TAFA1: variants seen among roughly 807,000 people sequenced by gnomAD.
TAFA1 encodes chemokine-like protein TAFA-1.
TAFA1 carries 4 observed loss-of-function variants against 18.5 expected under a neutral mutation model. The ratio of observed to expected loss-of-function variants is 0.22; its 90% CI spans 0.11 to 0.49. The LOEUF (loss-of-function observed/expected upper bound fraction) is 0.49. Ranked by LOEUF, TAFA1 falls within the 20% of genes least tolerant of loss-of-function variation. The pLI, the probability that TAFA1 is intolerant of heterozygous loss-of-function variation, is 0.98. For missense variants in TAFA1, 147 were observed against 169.0 expected (o/e 0.87, Z 0.72); for synonymous variants, 56 against 55.2 (o/e 1.01, Z -0.06).
chr3:68,348,351 G>T (rs916669386), intron 2 of TAFA1, among the ~76,000 whole-genome samples: 5 of 151,928 alleles, frequency 3.3e-5, no homozygotes, highest in Admixed American at 2.0e-4. Context: ...CTATACTTAT[G>T]GACTGCTTCA....
intron 2 of TAFA1, among the ~76,000 whole-genome samples, chr3:68,350,396 A>G (rs1300879311): frequency 1.3e-5 from 2 of 152,180 alleles, no homozygotes; most frequent in African/African-American, 4.8e-5. Flanking sequence ...AAATAACAGA[A>G]CAGAGTTTCT....
At chr3:68,345,022 G>A (rs1192304302) in intron 2 of TAFA1, among the ~76,000 whole-genome samples, 1 of 133,588 alleles carries the variant, frequency 7.5e-6, no homozygotes, top group Non-Finnish European at 1.6e-5. Flanking sequence ...AACAGAGTGA[G>A]GCCCTATCTC....
intron 3 of TAFA1, among the ~76,000 whole-genome samples, chr3:68,517,696 C>T (rs1484497327): frequency 1.3e-5 from 2 of 152,170 alleles, no homozygotes; most frequent in African/African-American, 2.4e-5. Context: ...AAAAGCAGAA[C>T]TATGGCCCAG....
chr3:68,312,056 T>TC (rs2068530056), intron 2 of TAFA1, among the ~76,000 whole-genome samples: 1 of 152,182 alleles, frequency 6.6e-6, no homozygotes, highest in Non-Finnish European at 1.5e-5. Flanking sequence ...GCTTGCAGCT[T>TC]CCACCCTCTG....
chr3:68,349,576 G>A (rs9839230), intron 2 of TAFA1, among the ~76,000 whole-genome samples: 5,783 of 152,078 alleles, frequency 0.038, 364 homozygotes, highest in African/African-American at 0.13. Flanking sequence ...AGGAAAAAAA[G>A]TCAAGATAAG....
chr3:68,285,694 G>A (rs2067986313), intron 2 of TAFA1, among the ~76,000 whole-genome samples: 1 of 152,114 alleles, frequency 6.6e-6, no homozygotes, highest in Admixed American at 6.5e-5. Flanking sequence ...TCAATCACAT[G>A]CAATTTATGT....
At chr3:68,352,864 C>G (rs1488174480) in intron 2 of TAFA1, among the ~76,000 whole-genome samples, 1 of 151,938 alleles carries the variant, frequency 6.6e-6, no homozygotes, top group African/African-American at 2.4e-5. Flanking sequence ...GTGAGGATGA[C>G]CTAGAGCCCA....
At chr3:68,078,656 G>A (rs1487324581) in intron 2 of TAFA1, among the ~76,000 whole-genome samples, 3 of 152,058 alleles carry the variant, frequency 2.0e-5, no homozygotes, top group Non-Finnish European at 4.4e-5. Flanking sequence ...TCCCAGGGAT[G>A]AAGCCCACTT....
chr3:68,458,496 T>C (rs1386885676), intron 3 of TAFA1, among the ~76,000 whole-genome samples: 1 of 152,184 alleles, frequency 6.6e-6, no homozygotes, highest in Non-Finnish European at 1.5e-5. Flanking sequence ...TACCTGTTCA[T>C]TGTTTTATAA....
At chr3:68,332,371 C>G (rs565379389) in intron 2 of TAFA1, among the ~76,000 whole-genome samples, 1 of 151,202 alleles carries the variant, frequency 6.6e-6, no homozygotes, top group Admixed American at 6.6e-5. Flanking sequence ...ATTTTTTGGC[C>G]AAAAGCACAG....
At chr3:68,032,197 A>G (rs1187735097) in intron 2 of TAFA1, among the ~76,000 whole-genome samples, 2 of 152,060 alleles carry the variant, frequency 1.3e-5, no homozygotes. Flanking sequence ...CTCTCAAAAG[A>G]TTTTTGGTTT....
chr3:68,464,624 C>G (rs2071850781), intron 3 of TAFA1, among the ~76,000 whole-genome samples: 1 of 152,114 alleles, frequency 6.6e-6, no homozygotes, highest in Admixed American at 6.6e-5. Context: ...TTGTAGAGGA[C>G]AGTCAAAACT....
At chr3:68,520,088 TG>T (rs924119120) in intron 3 of TAFA1, among the ~76,000 whole-genome samples, 18 of 152,190 alleles carry the variant, frequency 1.2e-4, no homozygotes, top group African/African-American at 4.3e-4. Flanking sequence ...CACTGGTGAT[TG>T]TTTTTTTTCT....
intron 2 of TAFA1, among the ~76,000 whole-genome samples, chr3:68,269,647 A>G (rs1197381000): frequency 6.6e-6 from 1 of 151,398 alleles, no homozygotes; most frequent in Non-Finnish European, 1.5e-5. Flanking sequence ...TTTGGCCAGG[A>G]GTGATGGCTC....
Position 68,489,030 on chromosome 3 carries a change from A to G in TAFA1, c.260-49726A>G, listed in dbSNP as rs1325851759. Among the ~76,000 whole-genome samples, 9 of 152,322 alleles carry G rather than the reference A, an allele frequency of 5.9e-5. No homozygotes were observed. The East Asian group carries it at 1.7e-3, about 29-fold the overall frequency. ...ATTTAATCCTGACAACTTTCATATT[A>G]TTATCCTCATTTGGAACATAAGAAA... On this transcript the variant is annotated intron_variant, in intron 3 of 4. Coordinates refer to ENST00000478136, the MANE Select transcript of TAFA1 (RefSeq NM_213609.4).
intron 2 of TAFA1, among the ~76,000 whole-genome samples, chr3:68,307,686 A>G (rs1329243951): frequency 1.3e-5 from 2 of 152,182 alleles, no homozygotes; most frequent in Non-Finnish European, 2.9e-5. Flanking sequence ...GGCACTTGAA[A>G]AAACTGGAGA....
intron 3 of TAFA1, among the ~76,000 whole-genome samples, chr3:68,462,087 A>G (rs555245000): frequency 1.3e-5 from 2 of 152,202 alleles, no homozygotes; most frequent in Non-Finnish European, 2.9e-5. Context: ...GCAGATAAAA[A>G]AGACAAAAAG....
intron 3 of TAFA1, among the ~76,000 whole-genome samples, chr3:68,534,921 G>A (rs1241165003): frequency 2.0e-5 from 3 of 151,996 alleles, no homozygotes; most frequent in Non-Finnish European, 4.4e-5. Flanking sequence ...CCCCACTGGC[G>A]GATGTGCATT....
intron 2 of TAFA1, among the ~76,000 whole-genome samples, chr3:68,125,035 G>T (rs1256916328): frequency 6.6e-6 from 1 of 152,204 alleles, no homozygotes; most frequent in African/African-American, 2.4e-5. Flanking sequence ...GCTCGAAATA[G>T]ACATGAAAAG....
Sources: allele counts gnomAD v4.1 joint callset (sites outside exome capture counted in the v4.1 genomes callset), GRCh38; gene constraint gnomAD v4.1.1; transcripts MANE v1.5; gene names NCBI Gene and HGNC (gene_info 2026-07-23, HGNC 2026-07-21).